The following ZNF610 variants were observed in gnomAD, a reference collection of about 807,000 sequenced individuals.
ZNF610 encodes zinc finger protein 610.
A neutral mutation model predicts 14.1 loss-of-function variants in ZNF610; 14 were observed. The ratio of observed to expected loss-of-function variants is 0.99; its 90% CI spans 0.65 to 1.55. The LOEUF is 1.55. Ranked by LOEUF, ZNF610 falls within the 40% of genes most tolerant of loss-of-function variation. The pLI is 0.00. For missense variants in ZNF610, 530 were observed against 558.0 expected (o/e 0.95, Z 0.51); for synonymous variants, 185 against 187.6 (o/e 0.99, Z 0.11).
At chr19:52,335,315 C>T (rs1029202631), upstream of ZNF610, among the ~76,000 whole-genome samples, 2 of 152,172 alleles carry the variant, frequency 1.3e-5, no homozygotes, top group Non-Finnish European at 2.9e-5. Context: ...CCTAACATCC[C>T]TCCGGGGACA....
At chr19:52,362,799 AAGAT>A (rs1379214426) in intron 5 of ZNF610, among the ~76,000 whole-genome samples, 3 of 152,132 alleles carry the variant, frequency 2.0e-5, no homozygotes, top group African/African-American at 4.8e-5. Context: ...AAATGTTTAA[AAGAT>A]TGTTTTGTGT....
Position 52,365,951 on chromosome 19 carries a change from A to T in ZNF610, c.573A>T (p.Gln191His), listed in dbSNP as rs542493041. The T allele has an allele frequency of 3.1e-6, 5 of 1,613,874 alleles. No individual in the cohort carries two copies. In the East Asian group the frequency reaches 8.9e-5, roughly 29 times the overall value. The change falls in exon 6 of 6, where the codon CAA (glutamine) becomes CAT (histidine). Residue 191 changes from glutamine (Q) to histidine (H), a missense_variant. By Grantham distance (24) the Gln-to-His change is conservative. Coordinates refer to ENST00000403906, the MANE Select transcript of ZNF610 (RefSeq NM_001161425.2). ...TTATTGATTTCCCATTACTCCCACA[A>T]GAAGAGAAAGCATACATTAGAGGAA... ...NDLIDFPLLP[Q>H]EEKAYIRGKS...
chr19:52,337,801 T>C (rs1404409758), intron 1 of ZNF610, among the ~76,000 whole-genome samples: 1 of 152,254 alleles, frequency 6.6e-6, no homozygotes, highest in African/African-American at 2.4e-5. Flanking sequence ...GCAAAGTTCC[T>C]GCCTATAAGG....
At chr19:52,348,516 T>C (rs892299111) in intron 2 of ZNF610, among the ~76,000 whole-genome samples, 1 of 152,154 alleles carries the variant, frequency 6.6e-6, no homozygotes, top group Non-Finnish European at 1.5e-5. Context: ...AGTCAGTGAA[T>C]AGTCTTCTTT....
chr19:52,337,842 A>G (rs1295974505), intron 1 of ZNF610, among the ~76,000 whole-genome samples: 2 of 152,228 alleles, frequency 1.3e-5, no homozygotes, highest in Non-Finnish European at 2.9e-5. Flanking sequence ...TGACATCACA[A>G]GTTAGCTTCC....
intron 5 of ZNF610, among the ~76,000 whole-genome samples, chr19:52,361,212 C>T (rs1272528977): frequency 6.7e-6 from 1 of 148,566 alleles, no homozygotes; most frequent in Non-Finnish European, 1.5e-5. Context: ...GAGTCTCGCT[C>T]TTGTTGCCCA....
At chr19:52,353,586 CATTTTTA>C in intron 3 of ZNF610, 89 bp from the exon 4 acceptor site, 1 of 1,347,866 alleles carries the variant, frequency 7.4e-7, no homozygotes, top group Non-Finnish European at 1.0e-6. Flanking sequence ...AATGATCTGC[CATTTTTA>C]ATAGCTTAAT....
intron 5 of ZNF610, among the ~76,000 whole-genome samples, chr19:52,364,713 G>A (rs1415416267): frequency 6.6e-6 from 1 of 152,128 alleles, no homozygotes; most frequent in African/African-American, 2.4e-5. Context: ...AAGTAGCTGG[G>A]ATTACAGGCA....
At chr19:52,339,432 G>T (rs555571119) in intron 1 of ZNF610, among the ~76,000 whole-genome samples, 1 of 146,642 alleles carries the variant, frequency 6.8e-6, no homozygotes, top group Non-Finnish European at 1.5e-5. Flanking sequence ...GTTCCCTGCG[G>T]CCTTCCACAG....
At position 52,336,906 on chromosome 19, in the gene ZNF610, G is replaced by A. The variant is rs925150053; in HGVS notation, c.-258+400G>A. Among the ~76,000 whole-genome samples, 5 of 152,122 alleles carry A rather than the reference G, an allele frequency of 3.3e-5. No individual in the cohort carries two copies. In the South Asian group the frequency reaches 6.2e-4, roughly 19 times the overall value. ...CTAAAAATGTGCTCTTGGCGGAGGTGGGCACCTTATTGTACTCCCCTGCCT... is the reference window on the plus strand; with the variant it reads ...CTAAAAATGTGCTCTTGGCGGAGGTAGGCACCTTATTGTACTCCCCTGCCT... On this transcript the variant is annotated intron_variant, in intron 1 of 5. Transcript: ENST00000403906.
At chr19:52,341,481 T>C (rs1286272489) in intron 1 of ZNF610, among the ~76,000 whole-genome samples, 1 of 152,008 alleles carries the variant, frequency 6.6e-6, no homozygotes, top group East Asian at 1.9e-4. Flanking sequence ...GGCTAATTTT[T>C]GTATTTTTAG....
chr19:52,351,457 G>GAA (rs1018288016), intron 3 of ZNF610, among the ~76,000 whole-genome samples: 1 of 139,924 alleles, frequency 7.1e-6, no homozygotes, highest in East Asian at 2.0e-4. Flanking sequence ...CTGTCTCAAA[G>GAA]AAAAAAAAAA....
intron 1 of ZNF610, among the ~76,000 whole-genome samples, chr19:52,344,708 C>T (rs1730378112): frequency 6.6e-6 from 1 of 152,204 alleles, no homozygotes; most frequent in South Asian, 2.1e-4. Context: ...GAAAATATTA[C>T]ACAGAAAGTT....
intron 1 of ZNF610, among the ~76,000 whole-genome samples, chr19:52,343,232 GT>G (rs1329845654): frequency 1.4e-4 from 21 of 152,168 alleles, no homozygotes; most frequent in Non-Finnish European, 3.1e-4. Flanking sequence ...TCTTATTTGT[GT>G]TTTCATTTAT....
At chr19:52,364,076 AT>A (rs1198548649) in intron 5 of ZNF610, among the ~76,000 whole-genome samples, 1 of 152,210 alleles carries the variant, frequency 6.6e-6, no homozygotes, top group Non-Finnish European at 1.5e-5. Flanking sequence ...ATAAAACATT[AT>A]TTTAAAATGT....
the ZNF610 span, among the ~76,000 whole-genome samples, chr19:52,330,641 G>A: frequency 6.6e-6 from 1 of 152,160 alleles, no homozygotes; most frequent in Admixed American, 6.5e-5. Context: ...GACCCTGGAA[G>A]CAGACAGGGG....
At chr19:52,364,074 T>G (rs1243805716) in intron 5 of ZNF610, among the ~76,000 whole-genome samples, 1 of 152,228 alleles carries the variant, frequency 6.6e-6, no homozygotes, top group African/African-American at 2.4e-5. Flanking sequence ...CAATAAAACA[T>G]TATTTTAAAA....
At chr19:52,357,708 G>A (rs1420127991) in intron 5 of ZNF610, among the ~76,000 whole-genome samples, 1 of 149,362 alleles carries the variant, frequency 6.7e-6, no homozygotes, top group Admixed American at 6.7e-5. Flanking sequence ...TACACACCTT[G>A]TAGTCCCAGC....
chr19:52,364,068 A>G (rs1985911848), intron 5 of ZNF610, among the ~76,000 whole-genome samples: 1 of 152,182 alleles, frequency 6.6e-6, no homozygotes, highest in South Asian at 2.1e-4. Flanking sequence ...TTGTAACAAT[A>G]AAACATTATT....
Sources: gnomAD v4.1 joint callset for allele counts (sites outside exome capture counted in the v4.1 genomes callset) on GRCh38, gnomAD v4.1.1 for gene constraint, MANE v1.5 for transcripts, NCBI Gene and HGNC (gene_info 2026-07-23, HGNC 2026-07-21) for gene names.